SNTG1: variants seen among roughly 807,000 people sequenced by gnomAD.
SNTG1 encodes the protein syntrophin gamma 1.
SNTG1 carries 39 observed loss-of-function variants against 74.7 expected under a neutral mutation model. The observed-to-expected ratio is 0.52, with a 90% CI of 0.40 to 0.68. SNTG1 has a LOEUF of 0.68. SNTG1 is among the 30% of genes least tolerant of loss of function. The pLI is 0.00. For missense variants in SNTG1, 685 were observed against 609.5 expected, an observed-to-expected ratio of 1.12 and a Z score of -1.30; for synonymous variants, 254 against 217.1, an observed-to-expected ratio of 1.17 and a Z score of -1.49.
intron 1 of SNTG1, among the ~76,000 whole-genome samples, chr8:50,137,753 G>T (rs1282559618): frequency 6.6e-6 from 1 of 152,132 alleles, no homozygotes; most frequent in Non-Finnish European, 1.5e-5. Context: ...GCAGGAGGCA[G>T]CTTCCTGTTC....
At chr8:50,718,475 A>G (rs762485867) in intron 17 of SNTG1, among the ~76,000 whole-genome samples, 2 of 152,188 alleles carry the variant, frequency 1.3e-5, no homozygotes, top group African/African-American at 2.4e-5. Flanking sequence ...TGATCTGGAC[A>G]GGCTAATTTA....
intron 2 of SNTG1, among the ~76,000 whole-genome samples, chr8:50,292,115 C>T (rs768438833): frequency 7.2e-5 from 11 of 152,024 alleles, no homozygotes; most frequent in Non-Finnish European, 1.2e-4. Flanking sequence ...GCTGAAAATA[C>T]GGTATCCATC....
chr8:49,919,941 T>C (rs1248756479), intron 1 of SNTG1, among the ~76,000 whole-genome samples: 1 of 152,106 alleles, frequency 6.6e-6, no homozygotes, highest in Non-Finnish European at 1.5e-5. Context: ...TCAAGAGTAA[T>C]ACAATAGCGC....
intron 9 of SNTG1, among the ~76,000 whole-genome samples, chr8:50,507,170 G>A (rs1396728452): frequency 1.3e-5 from 2 of 151,774 alleles, no homozygotes; most frequent in Non-Finnish European, 2.9e-5. Flanking sequence ...TTGCATTTCA[G>A]GAATAAGTCA....
intron 11 of SNTG1, among the ~76,000 whole-genome samples, chr8:50,551,986 T>C (rs2130595636): frequency 6.6e-6 from 1 of 152,270 alleles, no homozygotes; most frequent in Non-Finnish European, 1.5e-5. Context: ...TTTTCTTTGT[T>C]TGGGGAATAA....
At chr8:50,412,416 A>G (rs1334189578) in intron 4 of SNTG1, among the ~76,000 whole-genome samples, 1 of 152,090 alleles carries the variant, frequency 6.6e-6, no homozygotes, top group African/African-American at 2.4e-5. Context: ...TAAACTATTG[A>G]ATTTCTGATT....
chr8:50,541,243 CTG>C (rs200129335), intron 11 of SNTG1, among the ~76,000 whole-genome samples: 5,959 of 142,752 alleles, frequency 0.042, 127 homozygotes, highest in Admixed American at 0.056. Context: ...AAGATTTTAC[CTG>C]TGTGTGTGTG....
chr8:50,376,729 T>TTATATATATATATA (rs375978893), intron 2 of SNTG1, among the ~76,000 whole-genome samples: 3 of 100,612 alleles, frequency 3.0e-5, no homozygotes, highest in Non-Finnish European at 4.0e-5. Flanking sequence ...TATTAATAAA[T>TTATATATATATATA]TATATATATA....
At chr8:50,401,587 C>CTGTG (rs150210446) in intron 3 of SNTG1, among the ~76,000 whole-genome samples, 5 of 150,266 alleles carry the variant, frequency 3.3e-5, no homozygotes, top group African/African-American at 7.3e-5. Context: ...TAGGTATAAA[C>CTGTG]TGTGTGTGTG....
intron 1 of SNTG1, among the ~76,000 whole-genome samples, chr8:50,147,261 G>A (rs189446391): frequency 6.6e-4 from 101 of 152,206 alleles, no homozygotes; most frequent in African/African-American, 2.1e-3. Flanking sequence ...AGAATGGAAC[G>A]CAGACTGTGA....
At position 50,318,038 on chromosome 8, in the gene SNTG1, A is replaced by G. The variant is rs775786790; in HGVS notation, c.-27-76174A>G. On this transcript the variant is annotated intron_variant, in intron 2 of 18. Transcript: ENST00000642720. ...TTTTTAGTAGACACGGGGTTTCACC[A>G]TGTTAGCCAGGAAGGTCTCGATCTC... Among the ~76,000 whole-genome samples, 37 of 152,070 alleles carry G rather than the reference A, an allele frequency of 2.4e-4. 1 individual carries two copies. Among genetic ancestry groups the G allele is most frequent in the Middle Eastern group, 6.8e-3 (2 of 294 alleles).
chr8:50,237,476 T>C (rs907055688), intron 2 of SNTG1, among the ~76,000 whole-genome samples: 37 of 152,308 alleles, frequency 2.4e-4, no homozygotes, highest in African/African-American at 8.9e-4. Context: ...TGACATTCAC[T>C]TATTCCCTAG....
chr8:49,962,261 C>T lies in SNTG1; in HGVS notation c.-103+50030C>T, dbSNP rs141161031. On this transcript the variant is annotated intron_variant, in intron 1 of 18. Coordinates refer to ENST00000642720, the MANE Select transcript of SNTG1 (RefSeq NM_018967.5). ...GGATGAGAAGCAGATGAGACTAGCC[C>T]TGGGGCATGCAGGAAGCTGAGAGAC... 1.9e-3 allele frequency among the ~76,000 whole-genome samples: 292 copies of T among 150,782 alleles called. 2 individuals carry two copies. The highest frequency in any genetic ancestry group is 6.9e-3 in the African/African-American group (283 of 41,032).
intron 9 of SNTG1, among the ~76,000 whole-genome samples, chr8:50,507,086 A>AT (rs923914626): frequency 6.6e-5 from 10 of 150,780 alleles, no homozygotes; most frequent in South Asian, 2.1e-4. Context: ...TCTATGTGGG[A>AT]TTTTTTTTTC....
chr8:49,995,271 T>A (rs2130369698), intron 1 of SNTG1, among the ~76,000 whole-genome samples: 1 of 152,270 alleles, frequency 6.6e-6, no homozygotes, highest in African/African-American at 2.4e-5. Flanking sequence ...GCTATATGAA[T>A]ATTTGTGGGA....
intron 17 of SNTG1, among the ~76,000 whole-genome samples, chr8:50,736,983 T>A (rs1036078085): frequency 6.6e-6 from 1 of 151,832 alleles, no homozygotes; most frequent in South Asian, 2.1e-4. Context: ...ATCAATACCC[T>A]ATCAGCACAA....
intron 18 of SNTG1, among the ~76,000 whole-genome samples, chr8:50,764,934 G>A (rs539190345): frequency 4.0e-4 from 61 of 152,044 alleles, no homozygotes; most frequent in Admixed American, 1.4e-3. Flanking sequence ...ATACATAATG[G>A]AATAGTATTC....
chr8:49,938,577 C>CTTT (rs1424217147), intron 1 of SNTG1, among the ~76,000 whole-genome samples: 1 of 25,364 alleles, frequency 3.9e-5, no homozygotes, highest in African/African-American at 1.1e-4. Context: ...CTTTTCTTTT[C>CTTT]TTTTCTTTTC....
chr8:50,440,376 C>T (rs1466176397), intron 5 of SNTG1, among the ~76,000 whole-genome samples: 1 of 151,830 alleles, frequency 6.6e-6, no homozygotes, highest in Non-Finnish European at 1.5e-5. Flanking sequence ...TTTAAACTAT[C>T]TTTTATTGTG....
Sources: gnomAD v4.1 joint callset for allele counts (sites outside exome capture counted in the v4.1 genomes callset) on GRCh38, gnomAD v4.1.1 for gene constraint, MANE v1.5 for transcripts, NCBI Gene and HGNC (gene_info 2026-07-23, HGNC 2026-07-21) for gene names.